Variants in DARS1 observed in about 807,000 individuals in gnomAD.
DARS1 encodes aspartyl-tRNA synthetase 1, also known as aspartate--tRNA ligase, cytoplasmic.
Under a neutral mutation model 68.8 loss-of-function variants are expected in DARS1, and 51 were observed. The ratio of observed to expected loss-of-function variants is 0.74; its 90% CI spans 0.59 to 0.94. The LOEUF is 0.94. Among genes scored for constraint, DARS1 ranks in the 40% least tolerant of loss-of-function variants. The pLI, the probability that DARS1 is intolerant of heterozygous loss-of-function variation, is 0.00. For synonymous variants in DARS1, 203 were observed against 190.4 expected, an observed-to-expected ratio of 1.07 and a Z score of -0.55; for missense variants, 607 against 597.3, an observed-to-expected ratio of 1.02 and a Z score of -0.17.
rs760464856 is a variant in DARS1, at chr2:135,924,384, T to C, written c.676+3A>G. 1.1e-5 allele frequency: 18 copies of C among 1,590,826 alleles called. No individual in the cohort carries two copies. Among genetic ancestry groups the C allele is most frequent in the Non-Finnish European group, 7.7e-6 (9 of 1,173,742 alleles). On this transcript the variant is annotated splice_donor_region_variant and intron_variant, in intron 8 of 15. Coordinates refer to ENST00000264161, the MANE Select transcript of DARS1 (RefSeq NM_001349.4). ...AAATTAAGAGAAATATTTTGAAGCA[T>C]ACCTGAAATAATTTTAGGAGTTTGG...
chr2:135,938,589 A>G (rs536349236), intron 5 of DARS1, among the ~76,000 whole-genome samples: 1 of 152,146 alleles, frequency 6.6e-6, no homozygotes, highest in East Asian at 1.9e-4. Flanking sequence ...TAGAATTTTC[A>G]GCTTTTCTGC....
intron 5 of DARS1, 84 bp downstream of exon 5, chr2:135,943,294 A>G: frequency 6.6e-7 from 1 of 1,517,234 alleles, no homozygotes; most frequent in South Asian, 1.3e-5. Flanking sequence ...TACATTAATT[A>G]GTAAGAACAT....
intron 4 of DARS1, among the ~76,000 whole-genome samples, chr2:135,959,228 C>T (rs1026569635): frequency 6.6e-6 from 1 of 151,372 alleles, no homozygotes; most frequent in African/African-American, 2.4e-5. Flanking sequence ...CTCGTCTCTA[C>T]TAAAAATACA....
In DARS1 at chr2:135,914,489, C is replaced by T. The variant is rs761230959; in HGVS notation, c.1129G>A (p.Gly377Ser). Reference protein sequence around the residue: ...DLSTPNEKLLGHLVKEKYDTD... With the variant: ...DLSTPNEKLLSHLVKEKYDTD... ...CCTACCTTTTCCTTTACCAAATGAC[C>T]CAACAGCTTTTCATTTGGTGTGCTG... Residue 377 changes from glycine to serine, a missense_variant, in exon 12 of 16, where the codon GGT becomes AGT. Coordinates refer to ENST00000264161, the MANE Select transcript of DARS1 (RefSeq NM_001349.4). 10 of 1,464,766 alleles carry T rather than the reference C, an allele frequency of 6.8e-6. No individual in the cohort carries two copies. The highest frequency in any genetic ancestry group is 9.6e-6 in the Non-Finnish European group (10 of 1,043,976). The allele number at this position is 1,464,766 out of a possible 1,614,324, so 90.7% of individuals were successfully genotyped here. A position where few individuals can be genotyped will look rare whatever the true frequency, so the allele number is the denominator to read the frequency against.
intron 12 of DARS1, 87 bp downstream of exon 12, chr2:135,914,382 G>C: frequency 1.3e-6 from 1 of 793,118 alleles, no homozygotes; most frequent in Non-Finnish European, 2.2e-6. Flanking sequence ...TACCATTCTA[G>C]GAAGCTCAGA....
Position 135,937,091 on chromosome 2 carries a change from GT to G in DARS1, c.424-3102del, listed in dbSNP as rs1019973950. Among the ~76,000 whole-genome samples the G allele has an allele frequency of 2.0e-5, 3 of 151,290 alleles. No individual in the cohort carries two copies. In the South Asian group the frequency reaches 6.3e-4, roughly 32 times the overall value. ...CTAAATATGTGTGAATTCACTTATG[GT>G]TTTTTTTTGTTGTTGAGATGGGGTC... On this transcript the variant is annotated intron_variant, in intron 5 of 15. Transcript: ENST00000264161.
rs1261823457 is a variant in DARS1, at chr2:135,946,987, GC to G, written c.321-3508del. Among the ~76,000 whole-genome samples the G allele has an allele frequency of 2.0e-5, 3 of 152,290 alleles. No homozygotes were observed. The East Asian group carries it at 5.8e-4, about 29-fold the overall frequency. ...TGTAGAGACAGGGTTTCATCATGTT[GC>G]CCAGGATGGTCTCGAACTCCTGGGC... On this transcript the variant is annotated intron_variant, in intron 4 of 15. Transcript: ENST00000264161.
At chr2:135,925,974 T>C (rs1162088118) in intron 7 of DARS1, among the ~76,000 whole-genome samples, 1 of 152,188 alleles carries the variant, frequency 6.6e-6, no homozygotes, top group Non-Finnish European at 1.5e-5. Context: ...CACTGCAACC[T>C]CCACCTCCTG....
chr2:135,958,918 C>G (rs1558794500), intron 4 of DARS1, among the ~76,000 whole-genome samples: 1 of 151,744 alleles, frequency 6.6e-6, no homozygotes, highest in Non-Finnish European at 1.5e-5. Flanking sequence ...CACATTGCTA[C>G]TTTATATAAA....
intron 5 of DARS1, among the ~76,000 whole-genome samples, chr2:135,942,909 C>T (rs1558788078): frequency 6.6e-6 from 1 of 152,192 alleles, no homozygotes. Context: ...GAATCTATTT[C>T]TCTACCCCTT....
chr2:135,931,504 T>C (rs1575390119), intron 7 of DARS1, among the ~76,000 whole-genome samples: 2 of 152,132 alleles, frequency 1.3e-5, no homozygotes, highest in South Asian at 4.1e-4. Flanking sequence ...TCCCAAAGTG[T>C]TGGGATTACA....
At chr2:135,932,183 T>A (rs995970414) in intron 7 of DARS1, among the ~76,000 whole-genome samples, 2 of 152,186 alleles carry the variant, frequency 1.3e-5, no homozygotes, top group Non-Finnish European at 1.5e-5. Context: ...TTGAGTAGAA[T>A]ATTTAAGTAA....
intron 5 of DARS1, 139 bp downstream of exon 5, chr2:135,943,239 C>T: frequency 8.1e-7 from 1 of 1,237,160 alleles, no homozygotes; most frequent in South Asian, 1.7e-5. Flanking sequence ...TGTTATATAA[C>T]AAAAGCTAAT....
intron 4 of DARS1, among the ~76,000 whole-genome samples, chr2:135,945,227 A>C (rs1033537196): frequency 2.6e-5 from 4 of 151,986 alleles, no homozygotes; most frequent in African/African-American, 9.7e-5. Context: ...TCCCGGGTTC[A>C]AGTGATTCTC....
intron 3 of DARS1, among the ~76,000 whole-genome samples, chr2:135,964,169 G>A (rs1189426725): frequency 2.0e-5 from 3 of 152,126 alleles, no homozygotes; most frequent in Admixed American, 1.3e-4. Flanking sequence ...CATATGTAAC[G>A]TGTAATCCCA....
At chr2:135,966,181 T>C (rs1682231992) in intron 3 of DARS1, among the ~76,000 whole-genome samples, 1 of 152,160 alleles carries the variant, frequency 6.6e-6, no homozygotes, top group Admixed American at 6.5e-5. Context: ...TTTTTTTTTT[T>C]TTCTGCAAGA....
At chr2:135,916,112 C>A (rs186601556) in intron 11 of DARS1, 114 bp downstream of exon 11, 15 of 491,066 alleles carry the variant, frequency 3.1e-5, no homozygotes, top group African/African-American at 2.5e-4. Flanking sequence ...ACTTGGAGGA[C>A]GGGTCAATAG....
chr2:135,916,836 C>T (rs1040164649), intron 10 of DARS1, among the ~76,000 whole-genome samples: 1 of 152,196 alleles, frequency 6.6e-6, no homozygotes, highest in Non-Finnish European at 1.5e-5. Context: ...ATAGAAGGTA[C>T]AGGACAATGT....
At chr2:135,933,106 T>TTGGGATATAAGAAAAATTAACCACCCA (rs1376829278) in intron 6 of DARS1, among the ~76,000 whole-genome samples, 1 of 152,136 alleles carries the variant, frequency 6.6e-6, no homozygotes, top group Non-Finnish European at 1.5e-5. Flanking sequence ...TGCCTCATTA[T>TTGGGATATAAGAAAAATTAACCACCCA]TGGGATATAA....
Sources: allele counts gnomAD v4.1 joint callset (sites outside exome capture counted in the v4.1 genomes callset), GRCh38; gene constraint gnomAD v4.1.1; transcripts MANE v1.5; gene names NCBI Gene and HGNC (gene_info 2026-07-23, HGNC 2026-07-21).